The following FRMD6 variants were observed in gnomAD, a reference collection of about 807,000 sequenced individuals.
FRMD6 encodes the protein FERM domain containing 6, also known as FERM domain-containing protein 6.
Under a neutral mutation model 73.2 loss-of-function variants are expected in FRMD6, and 37 were observed. The ratio of observed to expected loss-of-function variants is 0.51; its 90% CI spans 0.39 to 0.66. The LOEUF is 0.66. Among genes scored for constraint, FRMD6 ranks in the 30% least tolerant of loss-of-function variants. The pLI is 0.00. For missense variants in FRMD6, 714 were observed against 780.5 expected (o/e 0.91, Z 1.02); for synonymous variants, 273 against 282.2 (o/e 0.97, Z 0.33).
intron 2 of FRMD6, chr14:51,584,032 G>A (rs1037434834): frequency 6.6e-6 from 1 of 152,164 alleles, no homozygotes; most frequent in African/African-American, 2.4e-5. Context: ...ATACAAGCAA[G>A]GAATTCATTC....
chr14:51,562,670 T>G (rs1216150477), intron 1 of FRMD6, among the ~76,000 whole-genome samples: 1 of 152,198 alleles, frequency 6.6e-6, no homozygotes, highest in Non-Finnish European at 1.5e-5. Context: ...TGGGAGAATA[T>G]ATTACCAAGA....
intron 1 of FRMD6, among the ~76,000 whole-genome samples, chr14:51,652,877 T>C (rs1892530281): frequency 6.6e-6 from 1 of 152,212 alleles, no homozygotes; most frequent in African/African-American, 2.4e-5. Context: ...CATAACCTAA[T>C]GGTGCGGGCG....
upstream of FRMD6, chr14:51,651,000 G>C (rs1255315032): frequency 1.3e-5 from 2 of 152,558 alleles, no homozygotes; most frequent in Non-Finnish European, 2.9e-5. Context: ...GGCGCAGACT[G>C]ACCGGAGAGG....
At chr14:51,607,792 T>G (rs1890323892) in intron 2 of FRMD6, among the ~76,000 whole-genome samples, 1 of 152,206 alleles carries the variant, frequency 6.6e-6, no homozygotes, top group Admixed American at 6.5e-5. Flanking sequence ...TCACCGGCCT[T>G]CCGGGTGGGG....
chr14:51,436,616 G>A, the FRMD6 span: 1 of 555,538 alleles, frequency 1.8e-6, no homozygotes, highest in Non-Finnish European at 3.3e-6. Flanking sequence ...GCAGGAAGAA[G>A]CAGCATGCGG....
intron 1 of FRMD6, among the ~76,000 whole-genome samples, chr14:51,671,514 A>G (rs1458460363): frequency 3.3e-5 from 5 of 152,238 alleles, no homozygotes; most frequent in African/African-American, 1.2e-4. Flanking sequence ...ACATGTTATA[A>G]GATACCTGAA....
Position 51,715,411 on chromosome 14 carries a change from C to T in FRMD6, c.936C>T (p.His312=). 6.2e-7 allele frequency: 1 copy of T among 1,613,924 alleles called. No homozygotes were observed. The change falls in exon 10 of 14, where the codon CAC becomes CAT. Residue 312 remains histidine (H), a synonymous_variant. Transcript: ENST00000344768. ...YYTGCPMRSR[H]LLQLLSNSHR... is the part of the protein sequence containing the mutation. ...CGGGGTGCCCCATGCGCTCCAGACACCTCCTGCAACTTCTGAGCAACAGCC... is the reference window on the plus strand; with the variant it reads ...CGGGGTGCCCCATGCGCTCCAGACATCTCCTGCAACTTCTGAGCAACAGCC...
intron 1 of FRMD6, among the ~76,000 whole-genome samples, chr14:51,536,697 G>A (rs548610305): frequency 5.3e-5 from 8 of 151,976 alleles, no homozygotes; most frequent in South Asian, 2.1e-4. Flanking sequence ...GATTACAGGC[G>A]TGAGCCACCG....
In FRMD6 at chr14:51,578,052, G is replaced by A. The variant is rs534158543; in HGVS notation, c.-147+7642G>A. Among the ~76,000 whole-genome samples, 94 of 152,196 alleles carry A rather than the reference G, an allele frequency of 6.2e-4. 2 individuals are homozygous for A. In the South Asian group the frequency reaches 0.019, roughly 31 times the overall value. Reference sequence around the variant, plus strand: ...TGTCCTATGGTTAATCACTCAATAAGCAGAAGCCATCGTTGCTGTTATTAT... The same window carrying A: ...TGTCCTATGGTTAATCACTCAATAAACAGAAGCCATCGTTGCTGTTATTAT... On this transcript the variant is annotated intron_variant, in intron 2 of 14. Coordinates refer to the FRMD6 transcript ENST00000356218.
the FRMD6 span, among the ~76,000 whole-genome samples, chr14:51,452,396 G>A: frequency 6.6e-6 from 1 of 152,198 alleles, no homozygotes. Context: ...GGGAAAATGG[G>A]AATGGTTGGT....
intron 11 of FRMD6, among the ~76,000 whole-genome samples, 188 bp from the exon 12 acceptor site, chr14:51,721,761 G>GGGAAGGAGGGAAGGAGGGAAGGCA (rs750853411): frequency 7.3e-6 from 1 of 137,236 alleles, no homozygotes. Flanking sequence ...GAAGGAAGGA[G>GGGAAGGAGGGAAGGAGGGAAGGCA]GGAAGGAGGG....
chr14:51,499,195 G>A (rs528065484), intron 1 of FRMD6, among the ~76,000 whole-genome samples: 2 of 152,308 alleles, frequency 1.3e-5, no homozygotes, highest in South Asian at 4.1e-4. Context: ...TTGTTCCAGA[G>A]AGGAACCTTG....
intron 1 of FRMD6, among the ~76,000 whole-genome samples, chr14:51,503,679 TTG>T (rs1182123454): frequency 1.3e-4 from 14 of 106,216 alleles, no homozygotes; most frequent in South Asian, 3.4e-4. Context: ...CTGAAGTTTT[TTG>T]TTTTTTTTTT....
the FRMD6 span, among the ~76,000 whole-genome samples, chr14:51,447,004 A>G: frequency 6.6e-6 from 1 of 152,192 alleles, no homozygotes; most frequent in Non-Finnish European, 1.5e-5. Flanking sequence ...GCTGTGAGGA[A>G]GTACTGAATG....
chr14:51,513,656 G>T (rs537873591), intron 1 of FRMD6, among the ~76,000 whole-genome samples: 5 of 150,978 alleles, frequency 3.3e-5, no homozygotes, highest in Admixed American at 6.6e-5. Flanking sequence ...GAGGATTTCT[G>T]TATTATTTAG....
chr14:51,509,377 T>A (rs2140247317), intron 1 of FRMD6, among the ~76,000 whole-genome samples: 1 of 151,704 alleles, frequency 6.6e-6, no homozygotes, highest in Non-Finnish European at 1.5e-5. Flanking sequence ...TACAAAAAAA[T>A]TTAGCCAGGC....
At chr14:51,621,148 A>ATT (rs532114724) in intron 2 of FRMD6, among the ~76,000 whole-genome samples, 6 of 149,066 alleles carry the variant, frequency 4.0e-5, no homozygotes, top group Non-Finnish European at 1.5e-5. Context: ...TTAAACTTCA[A>ATT]TTTTTTTTTT....
At chr14:51,451,550 T>C in the FRMD6 span, among the ~76,000 whole-genome samples, 1 of 152,284 alleles carries the variant, frequency 6.6e-6, no homozygotes, top group Admixed American at 6.5e-5. Context: ...ATTTTTTTTG[T>C]ATATTTTTTT....
intron 1 of FRMD6, among the ~76,000 whole-genome samples, chr14:51,556,966 C>T (rs778283519): frequency 6.6e-6 from 1 of 152,098 alleles, no homozygotes; most frequent in Non-Finnish European, 1.5e-5. Flanking sequence ...TTTTTCCTGA[C>T]ACTTATCACG....
Sources: gnomAD v4.1 joint callset for allele counts (sites outside exome capture counted in the v4.1 genomes callset) on GRCh38, gnomAD v4.1.1 for gene constraint, MANE v1.5 for transcripts, NCBI Gene and HGNC (gene_info 2026-07-23, HGNC 2026-07-21) for gene names.